Variants in ASIC2 observed in about 807,000 individuals in gnomAD.
ASIC2 encodes acid-sensing ion channel 2.
In ASIC2, 25 loss-of-function variants were observed where a neutral mutation model predicts 57.3. The observed-to-expected ratio is 0.44, with a 90% CI of 0.32 to 0.61. The LOEUF (loss-of-function observed/expected upper bound fraction) is 0.61, where lower values mean the gene tolerates loss of function less well. Ranked by LOEUF, ASIC2 falls within the 20% of genes least tolerant of loss-of-function variation. The pLI is 0.06. For synonymous variants in ASIC2, 319 were observed against 307.5 expected (o/e 1.04, Z -0.39); for missense variants, 641 against 738.1 (o/e 0.87, Z 1.52).
intron 3 of ASIC2, among the ~76,000 whole-genome samples, chr17:33,060,315 A>G (rs1182687834): frequency 6.6e-6 from 1 of 152,142 alleles, no homozygotes; most frequent in Non-Finnish European, 1.5e-5. Flanking sequence ...TAAGTCTTTA[A>G]TCCATCTTGA....
chr17:33,635,535 G>T (rs1906330627), intron 1 of ASIC2, among the ~76,000 whole-genome samples: 1 of 152,232 alleles, frequency 6.6e-6, no homozygotes, highest in Non-Finnish European at 1.5e-5. Context: ...CAAAGTGGGA[G>T]ATAGCATTTA....
chr17:33,151,122 T>C (rs1056128187), intron 1 of ASIC2, among the ~76,000 whole-genome samples: 11 of 151,194 alleles, frequency 7.3e-5, no homozygotes. Flanking sequence ...AGGTCAGGAG[T>C]TTGAGACCAG....
chr17:33,372,783 C>T (rs1909126830), intron 1 of ASIC2, among the ~76,000 whole-genome samples: 1 of 152,182 alleles, frequency 6.6e-6, no homozygotes, highest in Non-Finnish European at 1.5e-5. Context: ...GATGGGGCTT[C>T]CACGCATTGT....
intron 1 of ASIC2, among the ~76,000 whole-genome samples, chr17:33,893,586 T>C (rs1350281560): frequency 2.0e-5 from 3 of 152,198 alleles, no homozygotes; most frequent in Non-Finnish European, 4.4e-5. Context: ...CAATTAGCAG[T>C]ATCAGCTGGG....
chr17:33,649,466 A>G (rs983493816), intron 1 of ASIC2, among the ~76,000 whole-genome samples: 13 of 152,218 alleles, frequency 8.5e-5, no homozygotes, highest in Non-Finnish European at 8.8e-5. Context: ...TCCCAAATTG[A>G]CATACAGGTT....
intron 1 of ASIC2, among the ~76,000 whole-genome samples, chr17:34,102,444 T>G (rs948532047): frequency 5.9e-5 from 9 of 152,088 alleles, no homozygotes; most frequent in African/African-American, 1.9e-4. Flanking sequence ...TACAGAAAAT[T>G]TCCTCCTTTG....
intron 1 of ASIC2, among the ~76,000 whole-genome samples, chr17:33,829,471 G>GA (rs1348671292): frequency 6.6e-6 from 1 of 152,174 alleles, no homozygotes; most frequent in Non-Finnish European, 1.5e-5. Flanking sequence ...AGCAGAAAGT[G>GA]ACAGCTGTGC....
At chr17:33,506,289 T>C (rs1192949273) in intron 1 of ASIC2, among the ~76,000 whole-genome samples, 6 of 150,766 alleles carry the variant, frequency 4.0e-5, no homozygotes, top group Non-Finnish European at 8.9e-5. Flanking sequence ...GGCGGGCGCC[T>C]GTAGTCCCAG....
intron 1 of ASIC2, among the ~76,000 whole-genome samples, chr17:33,852,458 A>G (rs1464485342): frequency 6.6e-6 from 1 of 152,158 alleles, no homozygotes; most frequent in South Asian, 2.1e-4. Flanking sequence ...GGTGCCTCTG[A>G]GCACCAATTA....
intron 1 of ASIC2, among the ~76,000 whole-genome samples, chr17:33,670,159 T>A (rs916371357): frequency 6.6e-6 from 1 of 152,122 alleles, no homozygotes; most frequent in Non-Finnish European, 1.5e-5. Context: ...AGTGGTCATA[T>A]CAGCCATGTC....
At chr17:33,656,452 C>T (rs557432924) in intron 1 of ASIC2, among the ~76,000 whole-genome samples, 1 of 152,278 alleles carries the variant, frequency 6.6e-6, no homozygotes, top group Admixed American at 6.5e-5. Context: ...AAGACCAACA[C>T]GTTCCTATTT....
At chr17:33,988,006 G>A (rs1023658522) in intron 1 of ASIC2, among the ~76,000 whole-genome samples, 2 of 152,158 alleles carry the variant, frequency 1.3e-5, no homozygotes, top group African/African-American at 4.8e-5. Context: ...ACCTAGCCTG[G>A]AAATCAAAGA....
intron 3 of ASIC2, among the ~76,000 whole-genome samples, chr17:33,072,967 G>T (rs2092075229): frequency 6.6e-6 from 1 of 152,208 alleles, no homozygotes; most frequent in Non-Finnish European, 1.5e-5. Context: ...TGGATTCACG[G>T]CACGCAGGGC....
chr17:33,562,337 T>C (rs1261469878), intron 1 of ASIC2, among the ~76,000 whole-genome samples: 1 of 152,158 alleles, frequency 6.6e-6, no homozygotes, highest in African/African-American at 2.4e-5. Context: ...AGCACAGACC[T>C]AGTGTACGCT....
At chr17:33,450,286 T>C (rs1275822225) in intron 1 of ASIC2, among the ~76,000 whole-genome samples, 4 of 152,216 alleles carry the variant, frequency 2.6e-5, no homozygotes, top group African/African-American at 4.8e-5. Flanking sequence ...ATGCAGACAC[T>C]ATTATTTTCT....
At chr17:33,055,066 TTACCCCTTTCCCAGCACTCC>T (rs1243354611) in intron 3 of ASIC2, among the ~76,000 whole-genome samples, 1 of 152,158 alleles carries the variant, frequency 6.6e-6, no homozygotes, top group Non-Finnish European at 1.5e-5. Context: ...TTGGGGTGGT[TTACCCCTTTCCCAGCACTCC>T]AGGAATACAA....
At chr17:33,879,219 C>T (rs527661722) in intron 1 of ASIC2, among the ~76,000 whole-genome samples, 10 of 152,306 alleles carry the variant, frequency 6.6e-5, no homozygotes, top group African/African-American at 1.9e-4. Context: ...AAATAACCAG[C>T]TAACATCATG....
chr17:33,047,638 C>A (rs571121312), intron 3 of ASIC2, among the ~76,000 whole-genome samples: 1 of 152,316 alleles, frequency 6.6e-6, no homozygotes, highest in East Asian at 1.9e-4. Context: ...CTATGCCTGG[C>A]CTTACTTTAC....
At chr17:33,608,152 G>C (rs1484819059) in intron 1 of ASIC2, among the ~76,000 whole-genome samples, 1 of 152,124 alleles carries the variant, frequency 6.6e-6, no homozygotes. Flanking sequence ...TCTCTAAGCA[G>C]AACACCCCAT....
Sources: gnomAD v4.1 joint callset for allele counts (sites outside exome capture counted in the v4.1 genomes callset) on GRCh38, gnomAD v4.1.1 for gene constraint, MANE v1.5 for transcripts, NCBI Gene and HGNC (gene_info 2026-07-23, HGNC 2026-07-21) for gene names.